The following ACTR3C variants were observed in gnomAD, a reference collection of about 807,000 sequenced individuals.
ACTR3C encodes actin related protein 3C.
A neutral mutation model predicts 26.3 loss-of-function variants in ACTR3C; 18 were observed. The observed-to-expected ratio is 0.68, with a 90% CI of 0.47 to 1.01. The LOEUF is 1.01. Among genes scored for constraint, ACTR3C ranks in the 50% least tolerant of loss-of-function variants. The probability of loss-of-function intolerance (pLI) is 0.00; values close to 1 mark genes in which losing one functional copy is unlikely to be tolerated. For synonymous variants in ACTR3C, 55 were observed against 94.5 expected (o/e 0.58, Z 2.42); for missense variants, 184 against 250.7 (o/e 0.73, Z 1.80).
intron 1 of ACTR3C, chr7:150,302,947 T>A (rs1795540997): frequency 6.6e-6 from 1 of 152,160 alleles, no homozygotes; most frequent in South Asian, 2.1e-4. Context: ...ATAGGTAAAA[T>A]CCAGCCAGAG....
intron 6 of ACTR3C, among the ~76,000 whole-genome samples, chr7:150,252,823 A>G (rs17134452): frequency 0.083 from 12,626 of 152,250 alleles, 799 homozygotes; most frequent in African/African-American, 0.14. Flanking sequence ...TTGCTTTTCA[A>G]TGGCGTTAAG....
intron 1 of ACTR3C, among the ~76,000 whole-genome samples, chr7:150,306,625 T>C (rs1383250985): frequency 6.6e-6 from 1 of 152,130 alleles, no homozygotes; most frequent in Non-Finnish European, 1.5e-5. Context: ...AGTGGGAGGA[T>C]CACTTAAGCC....
At chr7:150,026,392 T>C in the ACTR3C span, among the ~76,000 whole-genome samples, 2 of 152,154 alleles carry the variant, frequency 1.3e-5, no homozygotes, top group African/African-American at 2.4e-5. Context: ...TCCTGCTCAA[T>C]AGCACTGATG....
At chr7:149,928,638 T>C in the ACTR3C span, among the ~76,000 whole-genome samples, 1 of 151,548 alleles carries the variant, frequency 6.6e-6, no homozygotes, top group Non-Finnish European at 1.5e-5. Context: ...GGTTAGGAGT[T>C]CAAGACCAGC....
the ACTR3C span, among the ~76,000 whole-genome samples, chr7:150,106,526 A>G: frequency 6.7e-6 from 1 of 148,216 alleles, no homozygotes; most frequent in African/African-American, 2.5e-5. Context: ...GGTGAAATAC[A>G]CATGAATTGG....
chr7:149,934,593 T>C, the ACTR3C span, among the ~76,000 whole-genome samples: 3 of 152,180 alleles, frequency 2.0e-5, no homozygotes, highest in South Asian at 6.2e-4. Flanking sequence ...TGGATTAGTT[T>C]GGTTCCCATT....
the ACTR3C span, among the ~76,000 whole-genome samples, chr7:150,059,471 T>C: frequency 6.6e-6 from 1 of 152,174 alleles, no homozygotes; most frequent in Non-Finnish European, 1.5e-5. Flanking sequence ...GAGGCAAATG[T>C]GTGTCAATGC....
At chr7:150,041,786 T>C in the ACTR3C span, among the ~76,000 whole-genome samples, 2 of 114,064 alleles carry the variant, frequency 1.8e-5, no homozygotes. Flanking sequence ...AGTCCCTGCC[T>C]CGCGGGGGGT....
At chr7:150,127,833 C>A in the ACTR3C span, among the ~76,000 whole-genome samples, 3 of 151,372 alleles carry the variant, frequency 2.0e-5, no homozygotes, top group East Asian at 5.8e-4. Context: ...TTACATCTAA[C>A]CCACTTTTAG....
At chr7:150,148,212 C>T in the ACTR3C span, among the ~76,000 whole-genome samples, 1 of 150,076 alleles carries the variant, frequency 6.7e-6, no homozygotes, top group Non-Finnish European at 1.5e-5. Context: ...GGCGCGGTGG[C>T]TCATGCCTGT....
downstream of ACTR3C, among the ~76,000 whole-genome samples, chr7:150,241,140 A>C (rs1429106606): frequency 6.6e-6 from 1 of 152,120 alleles, no homozygotes; most frequent in African/African-American, 2.4e-5. Context: ...TGTCATATAA[A>C]TTGATACCTG....
chr7:150,131,189 A>G, the ACTR3C span, among the ~76,000 whole-genome samples: 3 of 152,310 alleles, frequency 2.0e-5, no homozygotes, highest in Non-Finnish European at 2.9e-5. Flanking sequence ...GAGGGAGAGC[A>G]GTAGAATATG....
the ACTR3C span, among the ~76,000 whole-genome samples, chr7:149,967,941 A>G: frequency 6.6e-6 from 1 of 152,168 alleles, no homozygotes; most frequent in African/African-American, 2.4e-5. Flanking sequence ...TAGGTCCTCA[A>G]CAAGGTAGAG....
the ACTR3C span, among the ~76,000 whole-genome samples, chr7:149,963,885 T>G: frequency 6.6e-6 from 1 of 152,250 alleles, no homozygotes; most frequent in Non-Finnish European, 1.5e-5. Flanking sequence ...TACTTTTTTT[T>G]GGAATGTTTA....
the ACTR3C span, among the ~76,000 whole-genome samples, chr7:150,030,500 G>A: frequency 2.6e-3 from 391 of 152,184 alleles, 3 homozygotes; most frequent in African/African-American, 8.1e-3. Flanking sequence ...TCCCCAGACT[G>A]ACACTCAAAA....
the ACTR3C span, among the ~76,000 whole-genome samples, chr7:150,140,086 C>T: frequency 1.6e-3 from 237 of 150,152 alleles, 1 homozygote; most frequent in African/African-American, 5.6e-3. Flanking sequence ...AGACAGGCTG[C>T]TAAGCTGAGC....
chr7:150,000,141 A>G, the ACTR3C span, among the ~76,000 whole-genome samples: 1 of 152,170 alleles, frequency 6.6e-6, no homozygotes, highest in African/African-American at 2.4e-5. Context: ...TTTTCACTTA[A>G]TGTTGTAATA....
At chr7:150,124,465 G>A in the ACTR3C span, among the ~76,000 whole-genome samples, 8 of 152,138 alleles carry the variant, frequency 5.3e-5, no homozygotes, top group Admixed American at 3.3e-4. Flanking sequence ...TAGCTGGATC[G>A]CATTTCCACA....
the ACTR3C span, among the ~76,000 whole-genome samples, chr7:149,998,378 C>A: frequency 6.7e-6 from 1 of 149,642 alleles, no homozygotes; most frequent in South Asian, 2.2e-4. Flanking sequence ...TTCTTTGATA[C>A]CTGTATTCGT....
Sources: allele counts gnomAD v4.1 joint callset (sites outside exome capture counted in the v4.1 genomes callset), GRCh38; gene constraint gnomAD v4.1.1; transcripts MANE v1.5; gene names NCBI Gene and HGNC (gene_info 2026-07-23, HGNC 2026-07-21).